Variants in BNC2 observed in about 807,000 individuals in gnomAD.
BNC2 encodes basonuclin zinc finger protein 2, also known as zinc finger protein basonuclin-2.
A neutral mutation model predicts 76.3 loss-of-function variants in BNC2; 20 were observed. The ratio of observed to expected loss-of-function variants is 0.26; its 90% CI spans 0.18 to 0.38. The LOEUF (loss-of-function observed/expected upper bound fraction) is 0.38. Among genes scored for constraint, BNC2 ranks in the 10% least tolerant of loss-of-function variants. BNC2 has a pLI of 1.00. For synonymous variants in BNC2, 582 were observed against 514.8 expected, an observed-to-expected ratio of 1.13 and a Z score of -1.77; for missense variants, 1,382 against 1,399.8, an observed-to-expected ratio of 0.99 and a Z score of 0.20.
intron 1 of BNC2, among the ~76,000 whole-genome samples, chr9:16,778,933 G>C (rs1271998478): frequency 6.6e-6 from 1 of 152,036 alleles, no homozygotes; most frequent in Non-Finnish European, 1.5e-5. Context: ...GATATTTTTA[G>C]AAATGCTCCT....
intron 5 of BNC2, among the ~76,000 whole-genome samples, chr9:16,502,181 GGT>G: frequency 6.6e-6 from 1 of 152,062 alleles, no homozygotes; most frequent in Non-Finnish European, 1.5e-5. Context: ...TGGGCAACAT[GGT>G]GAGATCCCAC....
intron 5 of BNC2, among the ~76,000 whole-genome samples, chr9:16,548,017 G>A (rs945741893): frequency 1.6e-4 from 24 of 152,132 alleles, no homozygotes; most frequent in Non-Finnish European, 1.5e-5. Flanking sequence ...TACCAATTGT[G>A]CTGGTAAGAC....
chr9:16,744,734 G>C (rs1460759502), intron 1 of BNC2, among the ~76,000 whole-genome samples: 2 of 152,212 alleles, frequency 1.3e-5, no homozygotes, highest in Non-Finnish European at 2.9e-5. Context: ...AGGATGTCTA[G>C]TTTGTGGCAA....
intron 1 of BNC2, among the ~76,000 whole-genome samples, chr9:16,850,566 T>C (rs1420276917): frequency 6.6e-6 from 1 of 152,222 alleles, no homozygotes; most frequent in African/African-American, 2.4e-5. Flanking sequence ...ATCAATGTTG[T>C]CTTTTTTCTA....
At chr9:16,442,400 T>C (rs1237744456) in intron 5 of BNC2, among the ~76,000 whole-genome samples, 1 of 152,252 alleles carries the variant, frequency 6.6e-6, no homozygotes, top group African/African-American at 2.4e-5. Context: ...CCTGTTCCTG[T>C]ATGGCTCTGC....
At chr9:16,819,112 A>G (rs1007839564) in intron 1 of BNC2, among the ~76,000 whole-genome samples, 5 of 152,228 alleles carry the variant, frequency 3.3e-5, no homozygotes, top group Admixed American at 1.3e-4. Flanking sequence ...AGTGAGGTGA[A>G]GTCAACCCTC....
chr9:16,854,028 T>C (rs1819193585), intron 1 of BNC2, among the ~76,000 whole-genome samples: 1 of 152,216 alleles, frequency 6.6e-6, no homozygotes, highest in Admixed American at 6.5e-5. Flanking sequence ...AAAGTCAGAC[T>C]GGAGCCTAAG....
At chr9:16,473,318 G>A (rs1163957801) in intron 5 of BNC2, 1 of 152,024 alleles carries the variant, frequency 6.6e-6, no homozygotes, top group Non-Finnish European at 1.5e-5. Flanking sequence ...TCCCTTGTGG[G>A]GTTCTAACAA....
chr9:16,741,773 C>T (rs886876290), intron 1 of BNC2, among the ~76,000 whole-genome samples: 4 of 151,998 alleles, frequency 2.6e-5, no homozygotes, highest in East Asian at 3.9e-4. Context: ...GCCTGGCCAA[C>T]GTGGTGAAAC....
At chr9:16,526,467 C>CTTTTTTTTTTT (rs144511624) in intron 5 of BNC2, among the ~76,000 whole-genome samples, 2 of 48,820 alleles carry the variant, frequency 4.1e-5, no homozygotes, top group Admixed American at 2.7e-4. Context: ...TAGTTTAATG[C>CTTTTTTTTTTT]TTTTTTTTTT....
At chr9:16,637,139 T>G (rs1728481349) in intron 3 of BNC2, among the ~76,000 whole-genome samples, 1 of 152,076 alleles carries the variant, frequency 6.6e-6, no homozygotes, top group Admixed American at 6.6e-5. Context: ...CTTATGGCTT[T>G]TATTAGCCAC....
intron 1 of BNC2, among the ~76,000 whole-genome samples, chr9:16,742,079 A>G (rs771799039): frequency 6.6e-6 from 1 of 152,150 alleles, no homozygotes; most frequent in Non-Finnish European, 1.5e-5. Flanking sequence ...AAAATAAAGT[A>G]AAACACTGAG....
At chr9:16,503,646 T>A (rs535654782) in intron 5 of BNC2, among the ~76,000 whole-genome samples, 4 of 152,276 alleles carry the variant, frequency 2.6e-5, no homozygotes, top group South Asian at 4.1e-4. Context: ...TTAATGATAA[T>A]CTGGAAGAGT....
intron 1 of BNC2, among the ~76,000 whole-genome samples, chr9:16,752,558 C>A (rs1825252270): frequency 6.6e-6 from 1 of 152,186 alleles, no homozygotes; most frequent in South Asian, 2.1e-4. Flanking sequence ...GAGAACAAGT[C>A]ATTCTTACAA....
intron 1 of BNC2, among the ~76,000 whole-genome samples, chr9:16,789,145 G>A (rs564557964): frequency 6.6e-6 from 1 of 152,154 alleles, no homozygotes; most frequent in Non-Finnish European, 1.5e-5. Context: ...CATACTGCAT[G>A]AGTCCATTTA....
At chr9:16,841,827 G>C (rs369472879) in intron 1 of BNC2, among the ~76,000 whole-genome samples, 1 of 35,446 alleles carries the variant, frequency 2.8e-5, no homozygotes. Context: ...TTTTTTTTTT[G>C]AGACAGAGTT....
intron 1 of BNC2, among the ~76,000 whole-genome samples, chr9:16,862,062 T>C (rs932754503): frequency 6.6e-6 from 1 of 151,608 alleles, no homozygotes; most frequent in African/African-American, 2.4e-5. Flanking sequence ...TTATACACTA[T>C]TGGTTGAAAA....
chr9:16,484,489 A>G (rs898486662), intron 5 of BNC2, among the ~76,000 whole-genome samples: 1 of 152,214 alleles, frequency 6.6e-6, no homozygotes, highest in Non-Finnish European at 1.5e-5. Flanking sequence ...CAGAGTTGTA[A>G]AACTAAAATA....
intron 3 of BNC2, among the ~76,000 whole-genome samples, chr9:16,642,965 G>A (rs530268210): frequency 6.6e-6 from 1 of 152,222 alleles, no homozygotes; most frequent in African/African-American, 2.4e-5. Flanking sequence ...TTTGTGAAAC[G>A]AGAATATGAG....
Sources: gnomAD v4.1 joint callset for allele counts (sites outside exome capture counted in the v4.1 genomes callset) on GRCh38, gnomAD v4.1.1 for gene constraint, MANE v1.5 for transcripts, NCBI Gene and HGNC (gene_info 2026-07-23, HGNC 2026-07-21) for gene names.